The following BRINP3 variants were observed in gnomAD, a reference collection of about 807,000 sequenced individuals.
The protein encoded by BRINP3 is BMP/retinoic acid inducible neural specific 3, also known as BMP/retinoic acid-inducible neural-specific protein 3.
In BRINP3, 19 loss-of-function variants were observed where a neutral mutation model predicts 71.0. The observed-to-expected ratio is 0.27, with a 90% CI of 0.19 to 0.39. The LOEUF is 0.39. BRINP3 is among the 10% of genes least tolerant of loss of function. The pLI is 1.00. For synonymous variants in BRINP3, 380 were observed against 337.7 expected, an observed-to-expected ratio of 1.13 and a Z score of -1.37; for missense variants, 959 against 940.8, an observed-to-expected ratio of 1.02 and a Z score of -0.25.
chr1:190,163,576 G>T (rs1651212614), intron 6 of BRINP3, among the ~76,000 whole-genome samples: 1 of 150,938 alleles, frequency 6.6e-6, no homozygotes, highest in Admixed American at 6.6e-5. Context: ...GTCAGTCACA[G>T]TCTTCTTAAA....
At chr1:190,420,659 T>C (rs899157528) in intron 2 of BRINP3, among the ~76,000 whole-genome samples, 5 of 151,936 alleles carry the variant, frequency 3.3e-5, no homozygotes, top group South Asian at 2.1e-4. Context: ...CATGCTCCAA[T>C]TGTAGAAAAT....
chr1:190,181,539 A>C (rs1653030360), intron 6 of BRINP3, among the ~76,000 whole-genome samples: 1 of 151,950 alleles, frequency 6.6e-6, no homozygotes, highest in Admixed American at 6.6e-5. Context: ...TTTAGAATGT[A>C]TCCCTTTGTA....
At chr1:190,454,569 C>T (rs1358451049) in intron 2 of BRINP3, 86 bp downstream of exon 2, 4 of 1,045,380 alleles carry the variant, frequency 3.8e-6, no homozygotes, top group Non-Finnish European at 5.6e-6. Context: ...ACCTTTTTCC[C>T]GTCTGAAACT....
At chr1:190,197,309 C>T (rs1000677526) in intron 6 of BRINP3, among the ~76,000 whole-genome samples, 4 of 152,060 alleles carry the variant, frequency 2.6e-5, no homozygotes, top group Non-Finnish European at 5.9e-5. Context: ...AGCACCTGGC[C>T]CCTACCAAAT....
intron 2 of BRINP3, among the ~76,000 whole-genome samples, chr1:190,322,602 G>A (rs1219280424): frequency 6.6e-6 from 1 of 151,970 alleles, no homozygotes. Context: ...CCGTGAACTT[G>A]AATAAAAAAT....
chr1:190,168,511 A>T (rs1651749518), intron 6 of BRINP3, among the ~76,000 whole-genome samples: 1 of 152,190 alleles, frequency 6.6e-6, no homozygotes. Context: ...GCCAATAAAG[A>T]CTGTAACCCA....
intron 2 of BRINP3, among the ~76,000 whole-genome samples, chr1:190,451,847 T>C (rs1379367947): frequency 1.3e-5 from 2 of 152,116 alleles, no homozygotes; most frequent in Non-Finnish European, 2.9e-5. Context: ...GGAGTGAAAA[T>C]AAAAATATGT....
rs1232254252 is a variant in BRINP3, at chr1:190,248,494, T to C, written c.619-14017A>G. ...ATCGTCTTAATTTTTCATTCTTTCATTCTCCTATCTCTACTCTCCACCTAC... is the reference window on the plus strand; with the variant it reads ...ATCGTCTTAATTTTTCATTCTTTCACTCTCCTATCTCTACTCTCCACCTAC... On this transcript the variant is annotated intron_variant, in intron 4 of 7. Transcript: ENST00000367462. Among the ~76,000 whole-genome samples, 3 of 151,760 alleles carry C rather than the reference T, an allele frequency of 2.0e-5. No individual in the cohort carries two copies. The East Asian group carries it at 5.8e-4, about 29-fold the overall frequency.
At chr1:190,275,626 C>T (rs904406160) in intron 3 of BRINP3, among the ~76,000 whole-genome samples, 5 of 151,512 alleles carry the variant, frequency 3.3e-5, no homozygotes, top group Non-Finnish European at 7.4e-5. Flanking sequence ...TCATAAGTAA[C>T]TCAGTATATA....
At chr1:190,429,441 G>A (rs1673942609) in intron 2 of BRINP3, among the ~76,000 whole-genome samples, 1 of 152,060 alleles carries the variant, frequency 6.6e-6, no homozygotes, top group Admixed American at 6.6e-5. Flanking sequence ...AGTGAGTTGA[G>A]TTCCAAAATG....
chr1:190,279,174 A>C (rs1662853662), intron 3 of BRINP3, among the ~76,000 whole-genome samples: 2 of 151,868 alleles, frequency 1.3e-5, no homozygotes, highest in South Asian at 4.1e-4. Context: ...GAAATAACTC[A>C]AATTTTACCT....
intron 2 of BRINP3, among the ~76,000 whole-genome samples, chr1:190,449,563 G>GTATATA (rs34335384): frequency 1.3e-4 from 20 of 150,730 alleles, no homozygotes; most frequent in African/African-American, 4.4e-4. Flanking sequence ...ATTATAGCAT[G>GTATATA]TATATATATA....
intron 2 of BRINP3, among the ~76,000 whole-genome samples, chr1:190,294,229 CATCTT>C (rs1284457752): frequency 6.7e-6 from 1 of 150,038 alleles, no homozygotes; most frequent in African/African-American, 2.4e-5. Context: ...TTTACAAAAA[CATCTT>C]ATAGCTATCA....
chr1:190,372,813 A>G (rs1280096580), intron 2 of BRINP3, among the ~76,000 whole-genome samples: 1 of 152,322 alleles, frequency 6.6e-6, no homozygotes, highest in Non-Finnish European at 1.5e-5. Flanking sequence ...ATTCTTTTTT[A>G]TCACACAAGT....
rs1469238697 is a variant in BRINP3 at position 190,098,458 on chromosome 1, A to C, written c.1861T>G (p.Phe621Val). ...TLTLGNKWKT[F>V]FETVHIYLRS... is the part of the protein sequence containing the mutation. ...AGGTAGATGTGTACTGTCTCAAAAAATGTCTTCCATTTGTTCCCCAGAGTT... is the reference window on the plus strand; with the variant it reads ...AGGTAGATGTGTACTGTCTCAAAAACTGTCTTCCATTTGTTCCCCAGAGTT... The change falls in exon 8 of 8, where the codon TTT (phenylalanine) becomes GTT (valine). Residue 621 changes from phenylalanine to valine, a missense_variant. Phe to Val is a conservative substitution (Grantham distance 50). Coordinates refer to ENST00000367462, the MANE Select transcript of BRINP3 (RefSeq NM_199051.3). 6.2e-7 allele frequency: 1 copy of C among 1,614,152 alleles called. No individual in the cohort carries two copies. Among genetic ancestry groups the C allele is most frequent in the Non-Finnish European group, 8.5e-7 (1 of 1,180,030 alleles).
At chr1:190,255,760 T>A (rs996304025) in intron 4 of BRINP3, among the ~76,000 whole-genome samples, 2 of 56,360 alleles carry the variant, frequency 3.5e-5, no homozygotes, top group Non-Finnish European at 1.1e-4. Context: ...TTTTGAAGGG[T>A]TTTTTGGGTC....
chr1:190,265,709 C>T (rs1571569119), intron 3 of BRINP3, among the ~76,000 whole-genome samples: 1 of 151,002 alleles, frequency 6.6e-6, no homozygotes, highest in South Asian at 2.1e-4. Context: ...AGCGAGACTC[C>T]GTCTCAAAAA....
chr1:190,342,553 A>G lies in BRINP3; in HGVS notation c.237-60803T>C, dbSNP rs1407682788. The G allele has an allele frequency of 2.0e-5, 3 of 151,292 alleles. No individual in the cohort carries two copies. In the East Asian group the frequency reaches 5.9e-4, roughly 30 times the overall value. The allele number at this position is 151,292 out of a possible 1,614,324, so 9.4% of individuals were successfully genotyped here. A position where few individuals can be genotyped will look rare whatever the true frequency, so the allele number is the denominator to read the frequency against. The stretch of plus-strand genomic sequence containing the variant: ...TTCAGGTAGGCACTTGCCCATATAT[A>G]TATATATATATTTCCAAGTAAGATG... On this transcript the variant is annotated intron_variant, in intron 2 of 7. Coordinates refer to ENST00000367462, the MANE Select transcript of BRINP3 (RefSeq NM_199051.3).
intron 2 of BRINP3, among the ~76,000 whole-genome samples, chr1:190,320,295 C>T (rs1180079200): frequency 6.6e-6 from 1 of 151,838 alleles, no homozygotes; most frequent in Non-Finnish European, 1.5e-5. Context: ...ATTATTTACT[C>T]GATTTTTAGT....
Sources: allele counts gnomAD v4.1 joint callset (sites outside exome capture counted in the v4.1 genomes callset), GRCh38; gene constraint gnomAD v4.1.1; transcripts MANE v1.5; gene names NCBI Gene and HGNC (gene_info 2026-07-23, HGNC 2026-07-21).